Variants in COL4A6 observed in about 807,000 individuals in gnomAD.
COL4A6 encodes the protein collagen type IV alpha 6 chain, also known as collagen alpha-6(IV) chain.
Under a neutral mutation model 126.7 loss-of-function variants are expected in COL4A6, and 59 were observed. That is an observed-to-expected ratio of 0.47 (90% CI 0.38 to 0.58). The LOEUF (loss-of-function observed/expected upper bound fraction) is 0.58, where lower values mean the gene tolerates loss of function less well. COL4A6 is among the 20% of genes least tolerant of loss of function. The probability of loss-of-function intolerance (pLI) is 0.00; values close to 1 mark genes in which losing one functional copy is unlikely to be tolerated. For synonymous variants in COL4A6, 547 were observed against 496.6 expected (o/e 1.10, Z -1.35); for missense variants, 1,285 against 1,337.3 (o/e 0.96, Z 0.61).
At chrX:108,209,863 T>C in intron 8 of COL4A6, 106 bp downstream of exon 8, 1 of 836,683 alleles carries the variant, frequency 1.2e-6, no homozygotes, top group East Asian at 3.3e-5. Flanking sequence ...GTCTAGATTT[T>C]CCTTGAGGTC....
At chrX:108,312,247 A>C (rs1174040024) in intron 2 of COL4A6, among the ~76,000 whole-genome samples, 1 of 112,041 alleles carries the variant, frequency 8.9e-6, no homozygotes, top group African/African-American at 3.2e-5. Flanking sequence ...AGCACTGTGA[A>C]TTTCTCAGAT....
intron 31 of COL4A6, 124 bp downstream of exon 31, chrX:108,174,316 T>C (rs2034404842): frequency 1.5e-6 from 1 of 674,115 alleles, no homozygotes; most frequent in South Asian, 2.8e-5. Flanking sequence ...GAACTCTTTC[T>C]GAGGATGTCC....
chrX:108,342,132 C>T (rs916074928), intron 2 of COL4A6, among the ~76,000 whole-genome samples: 1 of 111,969 alleles, frequency 8.9e-6, no homozygotes, highest in African/African-American at 3.2e-5. Flanking sequence ...TAGCAAATCC[C>T]CATCCTGAAG....
intron 38 of COL4A6, 144 bp downstream of exon 38, chrX:108,165,226 T>C (rs1602708672): frequency 2.7e-6 from 2 of 744,241 alleles, no homozygotes; most frequent in East Asian, 6.3e-5. Flanking sequence ...TCAAGTCCCC[T>C]GTGTCCCCAC....
chrX:108,169,371 G>T, intron 37 of COL4A6, 124 bp downstream of exon 37: 1 of 911,018 alleles, frequency 1.1e-6, no homozygotes, highest in South Asian at 2.5e-5. Flanking sequence ...TGGGTTGTGA[G>T]ACTCCCAGAG....
At chrX:108,300,478 G>A (rs1432684779) in intron 3 of COL4A6, among the ~76,000 whole-genome samples, 1 of 108,556 alleles carries the variant, frequency 9.2e-6, no homozygotes, top group Non-Finnish European at 1.9e-5. Context: ...TTGTGCTAGG[G>A]GGTCTTGGAC....
chrX:108,266,847 G>A (rs1239283997), intron 3 of COL4A6, among the ~76,000 whole-genome samples: 1 of 111,655 alleles, frequency 9.0e-6, no homozygotes, highest in East Asian at 2.8e-4. Context: ...TAGATATCCT[G>A]TGAGTACATT....
chrX:108,279,243 A>G (rs1269516679), intron 3 of COL4A6, among the ~76,000 whole-genome samples: 1 of 111,252 alleles, frequency 9.0e-6, no homozygotes, highest in Admixed American at 9.5e-5. Flanking sequence ...GTATTCAGGA[A>G]ACCCATCTCA....
At chrX:108,296,173 A>G (rs2038320707) in intron 3 of COL4A6, among the ~76,000 whole-genome samples, 1 of 112,186 alleles carries the variant, frequency 8.9e-6, no homozygotes, top group South Asian at 3.8e-4. Context: ...AAGTTACTCA[A>G]AGTTCAAGAT....
chrX:108,263,957 G>T (rs1252362067), intron 3 of COL4A6, among the ~76,000 whole-genome samples: 1 of 110,962 alleles, frequency 9.0e-6, no homozygotes, highest in Non-Finnish European at 1.9e-5. Flanking sequence ...TCACTATATT[G>T]TCCTAGGCAG....
intron 2 of COL4A6, among the ~76,000 whole-genome samples, chrX:108,375,590 C>T (rs1454569384): frequency 1.8e-5 from 2 of 110,796 alleles, no homozygotes; most frequent in Non-Finnish European, 3.8e-5. Flanking sequence ...CAGCTCTCTA[C>T]CTGATTTCTA....
At chrX:108,165,061 G>C (rs1167331651) in intron 38 of COL4A6, 23 bp from the exon 39 acceptor site, 2 of 1,188,838 alleles carry the variant, frequency 1.7e-6, no homozygotes, top group Non-Finnish European at 2.3e-6. Context: ...TCGGAAGAGG[G>C]GCGAGGGGCA....
At chrX:108,195,390 GC>G (rs761458276) in intron 14 of COL4A6, among the ~76,000 whole-genome samples, 2 of 110,456 alleles carry the variant, frequency 1.8e-5, no homozygotes, top group African/African-American at 3.3e-5. Flanking sequence ...TCCTGCCTCA[GC>G]CCCCCAAGTA....
At chrX:108,214,322 A>T in intron 5 of COL4A6, 94 bp from the exon 6 acceptor site, 1 of 590,952 alleles carries the variant, frequency 1.7e-6, no homozygotes, top group East Asian at 3.3e-5. Flanking sequence ...ATGCTATTAA[A>T]CTGTGGCTCC....
intron 2 of COL4A6, among the ~76,000 whole-genome samples, chrX:108,357,517 A>G (rs1485285270): frequency 9.0e-6 from 1 of 111,354 alleles, no homozygotes; most frequent in Non-Finnish European, 1.9e-5. Context: ...ACACATAGAT[A>G]GATGGTCACT....
At chrX:108,370,057 G>T (rs1285570404) in intron 2 of COL4A6, among the ~76,000 whole-genome samples, 2 of 112,184 alleles carry the variant, frequency 1.8e-5, no homozygotes, top group African/African-American at 3.2e-5. Flanking sequence ...GCTAAAAGAT[G>T]AAAGTGGGAA....
intron 3 of COL4A6, among the ~76,000 whole-genome samples, chrX:108,289,563 A>T (rs954044131): frequency 1.6e-4 from 18 of 110,228 alleles, no homozygotes; most frequent in East Asian, 8.5e-4. Context: ...TTTTCGTTTT[A>T]AAAAAAAACT....
chrX:108,205,636 T>A, intron 10 of COL4A6, 24 bp downstream of exon 10: 1 of 1,202,798 alleles, frequency 8.3e-7, no homozygotes, highest in Non-Finnish European at 1.1e-6. Flanking sequence ...GGAAGCAAAA[T>A]GCCCTAAGAC....
chrX:108,387,872 T>C (rs745904918), intron 2 of COL4A6, among the ~76,000 whole-genome samples: 1 of 112,019 alleles, frequency 8.9e-6, no homozygotes, highest in African/African-American at 3.2e-5. Context: ...TAGCTCTTAC[T>C]ATTTTGAGAT....
Sources: allele counts gnomAD v4.1 joint callset (sites outside exome capture counted in the v4.1 genomes callset), GRCh38; gene constraint gnomAD v4.1.1; transcripts MANE v1.5; gene names NCBI Gene and HGNC (gene_info 2026-07-23, HGNC 2026-07-21).